Variants in SLC9A9 observed in about 807,000 individuals in gnomAD.
SLC9A9 encodes sodium/hydrogen exchanger 9.
Under a neutral mutation model 77.8 loss-of-function variants are expected in SLC9A9, and 62 were observed. The ratio of observed to expected loss-of-function variants is 0.80; its 90% confidence interval spans 0.65 to 0.98. The LOEUF (loss-of-function observed/expected upper bound fraction) is 0.98, where lower values mean the gene tolerates loss of function less well. SLC9A9 is among the 50% of genes least tolerant of loss of function. The pLI, the probability that SLC9A9 is intolerant of heterozygous loss-of-function variation, is 0.00. For missense variants in SLC9A9, 775 were observed against 774.9 expected (o/e 1.00, Z 0.00); for synonymous variants, 320 against 283.5 (o/e 1.13, Z -1.29).
At chr3:143,429,346 G>A (rs1405366284) in intron 12 of SLC9A9, among the ~76,000 whole-genome samples, 1 of 152,190 alleles carries the variant, frequency 6.6e-6, no homozygotes, top group Non-Finnish European at 1.5e-5. Flanking sequence ...AGGCTGTGAG[G>A]ATGTTTGGAT....
intron 2 of SLC9A9, among the ~76,000 whole-genome samples, chr3:143,800,820 T>G (rs1288689531): frequency 6.6e-6 from 1 of 152,192 alleles, no homozygotes; most frequent in East Asian, 1.9e-4. Context: ...ACATTTATTC[T>G]CCAAAGGATA....
intron 12 of SLC9A9, among the ~76,000 whole-genome samples, chr3:143,423,694 A>T (rs2034352721): frequency 1.3e-5 from 2 of 152,236 alleles, no homozygotes; most frequent in Admixed American, 1.3e-4. Context: ...TGAGATATTT[A>T]TATAGCTTCA....
chr3:143,364,578 T>G (rs1249035331), intron 13 of SLC9A9, among the ~76,000 whole-genome samples: 4 of 152,320 alleles, frequency 2.6e-5, no homozygotes, highest in Middle Eastern at 6.8e-3. Context: ...TTTATTTTTT[T>G]TGTCCTTTTC....
chr3:143,749,891 G>A (rs980891933), intron 4 of SLC9A9, among the ~76,000 whole-genome samples: 1 of 152,178 alleles, frequency 6.6e-6, no homozygotes, highest in African/African-American at 2.4e-5. Context: ...AGATGCTCAG[G>A]CACTTAAATC....
chr3:143,348,663 T>C (rs1372761065), intron 14 of SLC9A9, among the ~76,000 whole-genome samples: 2 of 152,216 alleles, frequency 1.3e-5, no homozygotes, highest in African/African-American at 4.8e-5. Context: ...TACTTTGTTA[T>C]AAGCACTTCC....
intron 12 of SLC9A9, among the ~76,000 whole-genome samples, chr3:143,389,796 T>C (rs575029333): frequency 6.6e-6 from 1 of 152,284 alleles, no homozygotes; most frequent in South Asian, 2.1e-4. Context: ...GGAATATTCA[T>C]GGAAGCTGGA....
chr3:143,840,229 T>TATACGATAGTA (rs1553728251), intron 1 of SLC9A9, among the ~76,000 whole-genome samples: 1 of 151,596 alleles, frequency 6.6e-6, no homozygotes, highest in Non-Finnish European at 1.5e-5. Context: ...AGCATTGTCA[T>TATACGATAGTA]ATAAGATAGT....
chr3:143,432,194 A>T (rs1255110896), intron 12 of SLC9A9, among the ~76,000 whole-genome samples: 1 of 152,230 alleles, frequency 6.6e-6, no homozygotes, highest in East Asian at 1.9e-4. Context: ...TCAAATGCTC[A>T]GAACAGTGCT....
rs187466894 is a variant in SLC9A9 at position 143,328,387 on chromosome 3, T to C, written c.1604+35097A>G. Among the ~76,000 whole-genome samples, 39 of 152,332 alleles carry C rather than the reference T, an allele frequency of 2.6e-4. 1 individual carries two copies. The highest frequency in any genetic ancestry group is 2.2e-3 in the Admixed American group (34 of 15,308). ...CTTGGTTTTCAGATATTTGATGATA[T>C]CAAAGATTGTTTTACTGAACTACTG... On this transcript the variant is annotated intron_variant, in intron 14 of 15. Transcript: ENST00000316549.
In SLC9A9 at chr3:143,476,236, T is replaced by C. The variant is rs1037994139; in HGVS notation, c.1316-9046A>G. ...TCACATGGAAGTGAAGCCAACAGAT[T>C]GTTTTCAGTAGGAAAATCTTCTGCA... On this transcript the variant is annotated intron_variant, in intron 11 of 15. Coordinates refer to ENST00000316549, the MANE Select transcript of SLC9A9 (RefSeq NM_173653.4). 5.9e-5 allele frequency among the ~76,000 whole-genome samples: 9 copies of C among 152,330 alleles called. No individual in the cohort carries two copies. In the East Asian group the frequency reaches 1.3e-3, roughly 23 times the overall value.
Position 143,322,783 on chromosome 3 carries a change from C to T in SLC9A9, c.1604+40701G>A, listed in dbSNP as rs148879857. 8.0e-3 allele frequency among the ~76,000 whole-genome samples: 1,226 copies of T among 152,316 alleles called. 15 individuals carry two copies. Among genetic ancestry groups the T allele is most frequent in the African/African-American group, 0.028 (1,171 of 41,558 alleles). On this transcript the variant is annotated intron_variant, in intron 14 of 15. Coordinates refer to ENST00000316549, the MANE Select transcript of SLC9A9 (RefSeq NM_173653.4). ...GAAAAAGTCTACCAGACTAGGGAGT[C>T]TGACATGGTCTTCACACAACTGTAA...
chr3:143,413,820 A>G (rs1376425102), intron 12 of SLC9A9, among the ~76,000 whole-genome samples: 1 of 151,936 alleles, frequency 6.6e-6, no homozygotes, highest in Non-Finnish European at 1.5e-5. Context: ...GTGCGTGCGC[A>G]TGCATGTACA....
At chr3:143,782,239 G>C (rs1391984950) in intron 4 of SLC9A9, among the ~76,000 whole-genome samples, 1 of 152,162 alleles carries the variant, frequency 6.6e-6, no homozygotes. Flanking sequence ...GATTCCTATA[G>C]TCTGTCTGTA....
intron 2 of SLC9A9, among the ~76,000 whole-genome samples, chr3:143,817,144 T>G (rs76425760): frequency 2.0e-5 from 2 of 98,954 alleles, no homozygotes; most frequent in Middle Eastern, 6.9e-3. Flanking sequence ...TTTTTTTTTT[T>G]ATTTTTTTTT....
At chr3:143,692,239 A>G (rs1933492842) in intron 5 of SLC9A9, among the ~76,000 whole-genome samples, 1 of 152,186 alleles carries the variant, frequency 6.6e-6, no homozygotes, top group Non-Finnish European at 1.5e-5. Context: ...CAATAATCAT[A>G]TCAATCCATT....
At position 143,348,513 on chromosome 3, in the gene SLC9A9, T is replaced by C. The variant is rs532767083; in HGVS notation, c.1604+14971A>G. Among the ~76,000 whole-genome samples, 8 of 152,326 alleles carry C rather than the reference T, an allele frequency of 5.3e-5. No homozygotes were observed. In the South Asian group the frequency reaches 1.7e-3, roughly 32 times the overall value. Reference sequence around the variant, plus strand: ...GATAAAAACCATGACAAGTGCACCATATTTCTAGAAAATAGGTTCCAAGTG... The same window carrying C: ...GATAAAAACCATGACAAGTGCACCACATTTCTAGAAAATAGGTTCCAAGTG... On this transcript the variant is annotated intron_variant, in intron 14 of 15. Coordinates refer to ENST00000316549, the MANE Select transcript of SLC9A9 (RefSeq NM_173653.4).
chr3:143,441,350 G>A (rs1194586683), intron 12 of SLC9A9, among the ~76,000 whole-genome samples: 1 of 152,192 alleles, frequency 6.6e-6, no homozygotes, highest in Non-Finnish European at 1.5e-5. Context: ...GCCAGGGAGG[G>A]TGGGAAGTGT....
intron 2 of SLC9A9, among the ~76,000 whole-genome samples, chr3:143,811,322 G>A (rs189100966): frequency 1.0e-3 from 153 of 152,186 alleles, no homozygotes; most frequent in African/African-American, 3.5e-3. Flanking sequence ...GTTATGCTTT[G>A]GTTTGAGAAG....
intron 6 of SLC9A9, among the ~76,000 whole-genome samples, chr3:143,631,178 C>A (rs2038417588): frequency 2.0e-5 from 3 of 152,120 alleles, no homozygotes; most frequent in Non-Finnish European, 4.4e-5. Flanking sequence ...AATTAGTCCG[C>A]AAGTTACTGA....
Sources: gnomAD v4.1 joint callset for allele counts (sites outside exome capture counted in the v4.1 genomes callset) on GRCh38, gnomAD v4.1.1 for gene constraint, MANE v1.5 for transcripts, NCBI Gene and HGNC (gene_info 2026-07-23, HGNC 2026-07-21) for gene names.